Variants in SLC28A3 observed in about 807,000 individuals in gnomAD.
SLC28A3 encodes concentrative Na(+)-nucleoside cotransporter 3.
In SLC28A3, 68 loss-of-function variants were observed where a neutral mutation model predicts 84.2. That is an observed-to-expected ratio of 0.81 (90% confidence interval 0.66 to 0.99). The LOEUF (loss-of-function observed/expected upper bound fraction) is 0.99, where lower values mean the gene tolerates loss of function less well. SLC28A3 is among the 50% of genes least tolerant of loss of function. The probability of loss-of-function intolerance (pLI) is 0.00; values close to 1 mark genes in which losing one functional copy is unlikely to be tolerated. For missense variants in SLC28A3, 712 were observed against 841.5 expected (o/e 0.85, Z 1.90); for synonymous variants, 267 against 303.6 (o/e 0.88, Z 1.25).
At chr9:84,357,920 T>G in the SLC28A3 span, among the ~76,000 whole-genome samples, 12 of 152,156 alleles carry the variant, frequency 7.9e-5, no homozygotes, top group South Asian at 2.5e-3. Flanking sequence ...GGGGTCTGAG[T>G]ATCCAAATCT....
At chr9:84,307,778 G>A (rs1301002581) in intron 3 of SLC28A3, among the ~76,000 whole-genome samples, 1 of 152,216 alleles carries the variant, frequency 6.6e-6, no homozygotes, top group African/African-American at 2.4e-5. Context: ...TAATTGCAGG[G>A]AATGTGTGTA....
At chr9:84,301,683 G>A (rs1373030903) in intron 5 of SLC28A3, among the ~76,000 whole-genome samples, 1 of 152,134 alleles carries the variant, frequency 6.6e-6, no homozygotes, top group Non-Finnish European at 1.5e-5. Flanking sequence ...CCATCAGTTT[G>A]TACTTATAAC....
the SLC28A3 span, among the ~76,000 whole-genome samples, chr9:84,350,513 G>A: frequency 6.6e-6 from 1 of 151,654 alleles, no homozygotes; most frequent in Non-Finnish European, 1.5e-5. Flanking sequence ...ATAAATAATG[G>A]TACACCTCTA....
chr9:84,279,230 G>A lies in SLC28A3; in HGVS notation c.1949+35C>T, dbSNP rs1323001933. On this transcript the variant is annotated intron_variant, in intron 17 of 17. Coordinates refer to ENST00000376238, the MANE Select transcript of SLC28A3 (RefSeq NM_001199633.2). The stretch of plus-strand genomic sequence containing the variant: ...AGGTGTGATTTGATTGATTATTAAT[G>A]GAGTATAAAGAAATTATAATCAAGA... The A allele has an allele frequency of 5.1e-5, 79 of 1,544,264 alleles. No individual in the cohort carries two copies. The East Asian group carries it at 1.8e-3, about 36-fold the overall frequency.
intron 1 of SLC28A3, among the ~76,000 whole-genome samples, chr9:84,322,260 G>A (rs1006718874): frequency 1.3e-5 from 2 of 152,174 alleles, no homozygotes; most frequent in South Asian, 4.1e-4. Flanking sequence ...AAAAAGAGAG[G>A]GAGAGATAAA....
chr9:84,313,653 A>G (rs13291717), intron 1 of SLC28A3, among the ~76,000 whole-genome samples, 199 bp from the exon 2 acceptor site: 50,368 of 151,734 alleles, frequency 0.33, 8,858 homozygotes, highest in African/African-American at 0.45. Flanking sequence ...AGTGGTTCGT[A>G]CCTGTAATCC....
upstream of SLC28A3, among the ~76,000 whole-genome samples, chr9:84,344,673 T>C (rs1051045283): frequency 4.6e-5 from 7 of 151,290 alleles, no homozygotes; most frequent in Admixed American, 6.6e-5. Context: ...TCAGAAGAAC[T>C]TTGGTTTCCA....
At chr9:84,290,394 C>A in intron 10 of SLC28A3, 115 bp from the exon 11 acceptor site, 6 of 1,298,026 alleles carry the variant, frequency 4.6e-6, no homozygotes, top group Non-Finnish European at 6.2e-6. Flanking sequence ...TAAGAGTGAA[C>A]CTCAGACCAG....
At chr9:84,289,997 A>G (rs564730895) in intron 11 of SLC28A3, 157 bp downstream of exon 11, 26 of 841,010 alleles carry the variant, frequency 3.1e-5, no homozygotes, top group African/African-American at 2.4e-4. Flanking sequence ...TGGGATCCCT[A>G]TGTTCAAATG....
upstream of SLC28A3, among the ~76,000 whole-genome samples, chr9:84,345,449 T>C (rs1827233586): frequency 6.6e-6 from 1 of 152,230 alleles, no homozygotes; most frequent in Non-Finnish European, 1.5e-5. Context: ...CTTCATTCTA[T>C]CATTTAAAGC....
At chr9:84,292,481 C>A in intron 10 of SLC28A3, 187 bp downstream of exon 10, 1 of 402,296 alleles carries the variant, frequency 2.5e-6, no homozygotes. Context: ...CTCTGTCTCT[C>A]TCTCTCTCTC....
At chr9:84,320,040 G>GTTTTTTGTTTTTTTTTTT (rs1826311957) in intron 1 of SLC28A3, among the ~76,000 whole-genome samples, 2 of 59,566 alleles carry the variant, frequency 3.4e-5, no homozygotes, top group Non-Finnish European at 3.0e-5. Context: ...GGCTTGCACT[G>GTTTTTTGTTTTTTTTTTT]TTTTTTTTTT....
chr9:84,360,406 G>C, the SLC28A3 span, among the ~76,000 whole-genome samples: 1 of 152,178 alleles, frequency 6.6e-6, no homozygotes, highest in African/African-American at 2.4e-5. Flanking sequence ...AATCATACAG[G>C]TTGGCTGTTG....
intron 1 of SLC28A3, among the ~76,000 whole-genome samples, chr9:84,323,127 A>G (rs1257296839): frequency 1.3e-5 from 2 of 152,176 alleles, no homozygotes; most frequent in East Asian, 3.8e-4. Flanking sequence ...TGCTATAGGA[A>G]GAGGCAGATT....
chr9:84,292,688 C>A lies in SLC28A3; in HGVS notation c.1003G>T (p.Gly335Cys). 1.2e-6 allele frequency: 2 copies of A among 1,609,278 alleles called. No individual in the cohort carries two copies. The highest frequency in any genetic ancestry group is 2.2e-5 in the South Asian group (2 of 90,000). The change falls in exon 10 of 18, where the codon GGC (glycine) becomes TGC (cysteine). Residue 335 changes from glycine to cysteine, a missense_variant. By Grantham distance (159) the Gly-to-Cys change is radical. Transcript: ENST00000376238. ...SSPIESVVAS[G>C]NIFVGQTESP... Reference sequence around the variant, plus strand: ...CTTACTTGTCCAACAAATATATTGCCAGAAGCAACTACAGATTCAATAGGA... The same window carrying A: ...CTTACTTGTCCAACAAATATATTGCAAGAAGCAACTACAGATTCAATAGGA...
At chr9:84,367,641 C>T in the SLC28A3 span, among the ~76,000 whole-genome samples, 2 of 152,160 alleles carry the variant, frequency 1.3e-5, no homozygotes, top group African/African-American at 4.8e-5. Context: ...CTATTTTTTA[C>T]TATCTCGGCA....
chr9:84,341,540 C>T (rs146937178), upstream of SLC28A3, among the ~76,000 whole-genome samples: 222 of 152,232 alleles, frequency 1.5e-3, 1 homozygote, highest in Middle Eastern at 3.4e-3. Context: ...TGTTTAGTGT[C>T]ATTTAGCTAA....
At chr9:84,297,156 A>G in intron 8 of SLC28A3, 65 bp downstream of exon 8, 1 of 1,414,878 alleles carries the variant, frequency 7.1e-7, no homozygotes. Flanking sequence ...GTTCTATCTG[A>G]ACATCTACAA....
rs1824505939 is a variant in SLC28A3, at chr9:84,275,673, C to T, written c.*2545G>A. 1 of 152,186 alleles carries T rather than the reference C, an allele frequency of 6.6e-6. No individual in the cohort carries two copies. Among genetic ancestry groups the T allele is most frequent in the Non-Finnish European group, 1.5e-5 (1 of 68,056 alleles). 9.4% of individuals were successfully genotyped at this position (152,186 alleles called of 1,614,324 possible). On this transcript the variant is annotated 3_prime_UTR_variant, in exon 18 of 18. Transcript: ENST00000376238. Reference sequence around the variant, plus strand: ...TTAGGTTGTTTCACTGGGAGAAGGGCCACTTACGACGTTCACAGGGTATTG... The same window carrying T: ...TTAGGTTGTTTCACTGGGAGAAGGGTCACTTACGACGTTCACAGGGTATTG...
Sources: gnomAD v4.1 joint callset for allele counts (sites outside exome capture counted in the v4.1 genomes callset) on GRCh38, gnomAD v4.1.1 for gene constraint, MANE v1.5 for transcripts, NCBI Gene and HGNC (gene_info 2026-07-23, HGNC 2026-07-21) for gene names.